Variants in CDC42BPB observed in about 807,000 individuals in gnomAD.
CDC42BPB encodes the protein serine/threonine-protein kinase MRCK beta.
CDC42BPB carries 37 observed loss-of-function variants against 214.9 expected under a neutral mutation model. That is an observed-to-expected ratio of 0.17 (90% CI 0.13 to 0.23). The LOEUF (loss-of-function observed/expected upper bound fraction) is 0.23, where lower values mean the gene tolerates loss of function less well. Among genes scored for constraint, CDC42BPB ranks in the 10% least tolerant of loss-of-function variants. The pLI is 1.00. For missense variants in CDC42BPB, 1,694 were observed against 2,227.0 expected (o/e 0.76, Z 4.82); for synonymous variants, 931 against 884.0 (o/e 1.05, Z -0.94).
At chr14:102,941,266 G>A in intron 30 of CDC42BPB, 1 of 985,428 alleles carries the variant, frequency 1.0e-6, no homozygotes, top group South Asian at 4.7e-5. Flanking sequence ...CTCCTTCCTG[G>A]CTCTTCTGCC....
Position 102,983,546 on chromosome 14 carries a change from A to C in CDC42BPB, c.891+10T>G, listed in dbSNP as rs1423552709. On this transcript the variant is annotated intron_variant, in intron 7 of 36. Coordinates refer to ENST00000361246, the MANE Select transcript of CDC42BPB (RefSeq NM_006035.4). Reference sequence around the variant, plus strand: ...GGTACCAAAAAAAAAAAAAAAATGCAACGTCTTACTTCATGGTTCATGATC... The same window carrying C: ...GGTACCAAAAAAAAAAAAAAAATGCCACGTCTTACTTCATGGTTCATGATC... 3.2e-6 allele frequency: 5 copies of C among 1,578,856 alleles called. No homozygotes were observed. The highest frequency in any genetic ancestry group is 1.2e-5 in the South Asian group (1 of 85,750).
intron 5 of CDC42BPB, among the ~76,000 whole-genome samples, chr14:102,997,118 T>C (rs1011337751): frequency 1.3e-5 from 2 of 152,148 alleles, no homozygotes; most frequent in Non-Finnish European, 2.9e-5. Flanking sequence ...GGGCTGTGTC[T>C]GCTTGGGAAA....
At chr14:103,010,477 G>T (rs1464878432) in intron 2 of CDC42BPB, among the ~76,000 whole-genome samples, 1 of 152,166 alleles carries the variant, frequency 6.6e-6, no homozygotes, top group Admixed American at 6.5e-5. Context: ...GCTGCGAGAG[G>T]GGGGCTATTT....
rs186721600 is a variant in CDC42BPB at position 102,980,545 on chromosome 14, T to C, written c.1140+228A>G. ...TAAAAGCAAAAGTATTTCTGTTGAG[T>C]TGCAAAACAAATGAGCTGTTTAACT... On this transcript the variant is annotated intron_variant, in intron 8 of 36. Transcript: ENST00000361246. Among the ~76,000 whole-genome samples, 173 of 152,072 alleles carry C rather than the reference T, an allele frequency of 1.1e-3. 1 individual carries two copies. Among genetic ancestry groups the C allele is most frequent in the Non-Finnish European group, 2.2e-3 (151 of 67,976 alleles).
At chr14:103,033,632 T>C (rs999382351) in intron 1 of CDC42BPB, among the ~76,000 whole-genome samples, 1 of 152,246 alleles carries the variant, frequency 6.6e-6, no homozygotes, top group South Asian at 2.1e-4. Flanking sequence ...ATTACACAAA[T>C]ACCACCATAT....
At position 103,017,731 on chromosome 14, in the gene CDC42BPB, A is replaced by G. The variant is rs149356934; in HGVS notation, c.176-5543T>C. Among the ~76,000 whole-genome samples, 93 of 152,358 alleles carry G rather than the reference A, an allele frequency of 6.1e-4. 1 individual carries two copies. In the Middle Eastern group the frequency reaches 0.014, roughly 22 times the overall value. On this transcript the variant is annotated intron_variant, in intron 1 of 36. Coordinates refer to ENST00000361246, the MANE Select transcript of CDC42BPB (RefSeq NM_006035.4). The stretch of plus-strand genomic sequence containing the variant: ...GGTCATGAAAGTCAAGGAAAGACAC[A>G]GAACTGATCACACAGAAAGGAACAA...
chr14:103,008,714 C>T, intron 2 of CDC42BPB, 159 bp from the exon 3 acceptor site: 1 of 984,968 alleles, frequency 1.0e-6, no homozygotes. Flanking sequence ...GTTCCTGCAT[C>T]AAGAACCTTT....
Position 102,933,945 on chromosome 14 carries a change from A to G in CDC42BPB, c.5005-102T>C. On this transcript the variant is annotated intron_variant, in intron 36 of 36. Coordinates refer to ENST00000361246, the MANE Select transcript of CDC42BPB (RefSeq NM_006035.4). Reference sequence around the variant, plus strand: ...TGTTTGCTCAGGGACAACTGTCGCAACTGCTCTTCTCCCTTCATGTTATGA... The same window carrying G: ...TGTTTGCTCAGGGACAACTGTCGCAGCTGCTCTTCTCCCTTCATGTTATGA... 2.1e-6 allele frequency: 3 copies of G among 1,438,494 alleles called. No homozygotes were observed. In the South Asian group the frequency reaches 4.5e-5, roughly 22 times the overall value. 89.1% of individuals were successfully genotyped at this position (1,438,494 alleles called of 1,614,324 possible).
intron 7 of CDC42BPB, among the ~76,000 whole-genome samples, chr14:102,982,166 T>C (rs1176638728): frequency 1.3e-5 from 2 of 152,256 alleles, no homozygotes; most frequent in African/African-American, 2.4e-5. Context: ...TTATCTACAA[T>C]ATGCATTTTT....
intron 1 of CDC42BPB, among the ~76,000 whole-genome samples, chr14:103,053,587 C>T (rs1050311309): frequency 5.3e-5 from 8 of 151,230 alleles, no homozygotes; most frequent in Non-Finnish European, 7.4e-5. Flanking sequence ...CGGTGAAACC[C>T]CGTCTCTACT....
intron 26 of CDC42BPB, 108 bp downstream of exon 26, chr14:102,949,657 G>T: frequency 7.2e-7 from 1 of 1,396,396 alleles, no homozygotes; most frequent in Non-Finnish European, 9.9e-7. Context: ...TAATGAAGCA[G>T]GTGAAGTACT....
chr14:102,971,634 G>A (rs544043072), intron 13 of CDC42BPB, among the ~76,000 whole-genome samples: 2 of 152,292 alleles, frequency 1.3e-5, no homozygotes, highest in Non-Finnish European at 2.9e-5. Flanking sequence ...GTGGACTGCA[G>A]GTGTCTTATT....
chr14:102,986,364 A>C, intron 6 of CDC42BPB, 123 bp downstream of exon 6: 1 of 629,762 alleles, frequency 1.6e-6, no homozygotes. Context: ...ACTATCTCCA[A>C]AATGGATTCA....
intron 1 of CDC42BPB, among the ~76,000 whole-genome samples, chr14:103,042,601 T>C (rs1234193730): frequency 1.3e-5 from 2 of 152,208 alleles, no homozygotes; most frequent in Non-Finnish European, 2.9e-5. Flanking sequence ...TGAGCCACTA[T>C]GCCCGGCCAA....
chr14:103,035,033 T>C (rs1317683466), intron 1 of CDC42BPB, among the ~76,000 whole-genome samples: 2 of 151,738 alleles, frequency 1.3e-5, no homozygotes, highest in Admixed American at 1.3e-4. Context: ...CACCATTCAA[T>C]AGGGGCAACT....
chr14:103,048,551 A>C (rs1197565275), intron 1 of CDC42BPB, among the ~76,000 whole-genome samples: 2 of 146,528 alleles, frequency 1.4e-5, no homozygotes, highest in African/African-American at 5.1e-5. Flanking sequence ...AAAAAAAAAA[A>C]AAAAAAAAAA....
intron 36 of CDC42BPB, 65 bp from the exon 37 acceptor site, chr14:102,933,908 G>T: frequency 6.9e-7 from 1 of 1,457,514 alleles, no homozygotes. Flanking sequence ...CGCGTGCCCA[G>T]CTGGATGCAA....
At chr14:102,978,301 G>A (rs1893848671) in intron 8 of CDC42BPB, 96 bp from the exon 9 acceptor site, 1 of 1,566,356 alleles carries the variant, frequency 6.4e-7, no homozygotes, top group African/African-American at 1.4e-5. Flanking sequence ...AGGAGGCACT[G>A]GGCAGAACAT....
rs970998403 is a variant in CDC42BPB, at chr14:102,938,179, A to C, written c.4934-5T>G. On this transcript the variant is annotated splice_polypyrimidine_tract_variant and splice_region_variant and intron_variant, in intron 35 of 36. Coordinates refer to ENST00000361246, the MANE Select transcript of CDC42BPB (RefSeq NM_006035.4). The stretch of plus-strand genomic sequence containing the variant: ...TCACGCTAGGCTCCGATCCACCTAC[A>C]GAACAAGGACAGCTTTCCTCTTAGG... The C allele has an allele frequency of 6.2e-7, 1 of 1,613,200 alleles. No homozygotes were observed. Among genetic ancestry groups the C allele is most frequent in the Non-Finnish European group, 8.5e-7 (1 of 1,179,760 alleles).
Sources: allele counts gnomAD v4.1 joint callset (sites outside exome capture counted in the v4.1 genomes callset), GRCh38; gene constraint gnomAD v4.1.1; transcripts MANE v1.5; gene names NCBI Gene and HGNC (gene_info 2026-07-23, HGNC 2026-07-21).